The following UPK1A variants were observed in gnomAD, a reference collection of about 807,000 sequenced individuals.
UPK1A encodes the protein uroplakin 1A, also known as uroplakin-1a.
A neutral mutation model predicts 32.3 loss-of-function variants in UPK1A; 31 were observed. The observed-to-expected ratio is 0.96, with a 90% CI of 0.72 to 1.30. The LOEUF (loss-of-function observed/expected upper bound fraction) is 1.30. UPK1A is among the 50% of genes most tolerant of loss of function. UPK1A has a pLI of 0.00. For missense variants in UPK1A, 340 were observed against 357.4 expected, an observed-to-expected ratio of 0.95 and a Z score of 0.39; for synonymous variants, 135 against 137.1, an observed-to-expected ratio of 0.98 and a Z score of 0.11.
intron 3 of UPK1A, 151 bp from the exon 4 acceptor site, chr19:35,673,081 G>A (rs890261511): frequency 6.2e-6 from 4 of 649,070 alleles, no homozygotes; most frequent in African/African-American, 1.8e-5. Context: ...ACAATACAGC[G>A]AACACCTGAA....
At chr19:35,666,968 G>T in intron 2 of UPK1A, 72 bp downstream of exon 2, 1 of 1,495,234 alleles carries the variant, frequency 6.7e-7, no homozygotes, top group Non-Finnish European at 9.3e-7. Context: ...GCTCGGGGTG[G>T]GGGATGAGGG....
At chr19:35,668,316 C>G in intron 2 of UPK1A, 138 bp from the exon 3 acceptor site, 1 of 1,028,160 alleles carries the variant, frequency 9.7e-7, no homozygotes, top group South Asian at 1.4e-5. Flanking sequence ...CATCGCTGCT[C>G]ATGGAAGGCG....
At chr19:35,667,507 T>C (rs1968017745) in intron 2 of UPK1A, among the ~76,000 whole-genome samples, 1 of 151,176 alleles carries the variant, frequency 6.6e-6, no homozygotes, top group Admixed American at 6.6e-5. Flanking sequence ...TAATTTTTTT[T>C]TTTTCAGACA....
intron 3 of UPK1A, among the ~76,000 whole-genome samples, chr19:35,671,952 A>G (rs1849876865): frequency 6.6e-6 from 1 of 152,114 alleles, no homozygotes; most frequent in Admixed American, 6.6e-5. Context: ...CTTGCCTGTA[A>G]ATACTGGAGC....
intron 4 of UPK1A, 45 bp from the exon 5 acceptor site, chr19:35,673,393 C>T (rs760184159): frequency 6.2e-7 from 1 of 1,610,826 alleles, no homozygotes; most frequent in African/African-American, 1.3e-5. Context: ...CGTCCTCTCT[C>T]CCCACCCAGC....
chr19:35,678,029 G>A, exon 8 of UPK1A: 2 of 1,574,238 alleles, frequency 1.3e-6, no homozygotes, highest in Non-Finnish European at 1.7e-6. Context: ...AGGGACAGGA[G>A]GGGAAGGCAA....
intron 2 of UPK1A, 90 bp downstream of exon 2, chr19:35,666,986 CTG>C: frequency 7.4e-7 from 1 of 1,358,582 alleles, no homozygotes. Context: ...GGGTCCAGAA[CTG>C]TCTCTCGGGC....
intron 2 of UPK1A, 128 bp downstream of exon 2, chr19:35,667,024 G>A: frequency 2.3e-6 from 2 of 887,456 alleles, no homozygotes; most frequent in Non-Finnish European, 3.6e-6. Context: ...CACAGCCTGG[G>A]TTGAAATCCC....
At chr19:35,670,466 CTGAG>C (rs1274100146) in intron 3 of UPK1A, among the ~76,000 whole-genome samples, 1 of 117,000 alleles carries the variant, frequency 8.5e-6, no homozygotes, top group Non-Finnish European at 1.7e-5. Context: ...TGGCTTTATC[CTGAG>C]TAAGATGGAG....
intron 2 of UPK1A, among the ~76,000 whole-genome samples, chr19:35,667,554 C>T (rs1027653995): frequency 9.9e-5 from 15 of 151,124 alleles, no homozygotes; most frequent in African/African-American, 3.2e-4. Context: ...AGTGCAGTGG[C>T]GAGATCTCGG....
chr19:35,674,363 C>T (rs562741153), intron 5 of UPK1A, among the ~76,000 whole-genome samples: 1 of 150,484 alleles, frequency 6.6e-6, no homozygotes, highest in African/African-American at 2.4e-5. Context: ...TCTCCTGCCT[C>T]AGCCTCCCGA....
intron 5 of UPK1A, among the ~76,000 whole-genome samples, chr19:35,674,287 C>T (rs1226483448): frequency 6.9e-6 from 1 of 144,050 alleles, no homozygotes; most frequent in Non-Finnish European, 1.5e-5. Flanking sequence ...TGCTCTGTCG[C>T]CCAGGCTGGA....
At chr19:35,676,348 C>G (rs1244465395) in intron 6 of UPK1A, 1 of 442,072 alleles carries the variant, frequency 2.3e-6, no homozygotes, top group Non-Finnish European at 4.2e-6. Context: ...GCACCACCCT[C>G]TTGGCTAGTT....
exon 8 of UPK1A, chr19:35,678,010 C>A (rs1308001080): frequency 6.3e-7 from 1 of 1,595,568 alleles, no homozygotes; most frequent in Non-Finnish European, 8.6e-7. Flanking sequence ...ATTTCTACAC[C>A]ATGCTCTGAG....
chr19:35,675,800 C>G (rs750666815), intron 5 of UPK1A, 40 bp from the exon 6 acceptor site: 45 of 1,569,788 alleles, frequency 2.9e-5, no homozygotes, highest in Non-Finnish European at 3.6e-5. Flanking sequence ...ACTGTCCTCT[C>G]TGAGCCCGAG....
chr19:35,671,832 C>T (rs1968106275), intron 3 of UPK1A, among the ~76,000 whole-genome samples: 1 of 152,082 alleles, frequency 6.6e-6, no homozygotes, highest in African/African-American at 2.4e-5. Flanking sequence ...ATACCTCTCA[C>T]CTGATTTCAA....
intron 3 of UPK1A, among the ~76,000 whole-genome samples, chr19:35,671,818 C>G (rs1968106195): frequency 6.6e-6 from 1 of 152,052 alleles, no homozygotes; most frequent in South Asian, 2.1e-4. Context: ...TATTTGAGCC[C>G]TGCATACCTC....
At chr19:35,676,781 C>T (rs924173963) in intron 6 of UPK1A, among the ~76,000 whole-genome samples, 2 of 151,882 alleles carry the variant, frequency 1.3e-5, no homozygotes, top group African/African-American at 4.8e-5. Flanking sequence ...TGCCTGTAAT[C>T]CCAGCTACTC....
At chr19:35,668,018 G>A in intron 2 of UPK1A, 1 of 250,260 alleles carries the variant, frequency 4.0e-6, no homozygotes, top group Non-Finnish European at 7.9e-6. Context: ...AAACTCCTGG[G>A]CTCAAGCAAT....
Sources: gnomAD v4.1 joint callset for allele counts (sites outside exome capture counted in the v4.1 genomes callset) on GRCh38, gnomAD v4.1.1 for gene constraint, MANE v1.5 for transcripts, NCBI Gene and HGNC (gene_info 2026-07-23, HGNC 2026-07-21) for gene names.